RIPOR2: variants seen among roughly 807,000 people sequenced by gnomAD.
RIPOR2 encodes the protein RHO family interacting cell polarization regulator 2, also known as rho family-interacting cell polarization regulator 2.
In RIPOR2, 39 loss-of-function variants were observed where a neutral mutation model predicts 114.5. That is an observed-to-expected ratio of 0.34 (90% CI 0.26 to 0.44). The LOEUF (loss-of-function observed/expected upper bound fraction) is 0.44, where lower values mean the gene tolerates loss of function less well. Ranked by LOEUF, RIPOR2 falls within the 20% of genes least tolerant of loss-of-function variation. RIPOR2 has a pLI of 1.00. For missense variants in RIPOR2, 1,007 were observed against 1,255.1 expected, an observed-to-expected ratio of 0.80 and a Z score of 2.99; for synonymous variants, 445 against 484.4, an observed-to-expected ratio of 0.92 and a Z score of 1.07.
chr6:24,970,471 T>C (rs1773732278), intron 1 of RIPOR2, among the ~76,000 whole-genome samples: 1 of 152,184 alleles, frequency 6.6e-6, no homozygotes, highest in Non-Finnish European at 1.5e-5. Flanking sequence ...TAAGGGACTT[T>C]TCAAATTCAA....
intron 1 of RIPOR2, among the ~76,000 whole-genome samples, chr6:24,999,780 TCTCCTGGC>T (rs1775219390): frequency 6.6e-6 from 1 of 152,102 alleles, no homozygotes; most frequent in Non-Finnish European, 1.5e-5. Context: ...ATGGTCTTGA[TCTCCTGGC>T]CTCCTGATCC....
At chr6:24,860,184 G>A (rs1763929756) in intron 8 of RIPOR2, among the ~76,000 whole-genome samples, 2 of 152,154 alleles carry the variant, frequency 1.3e-5, no homozygotes. Context: ...TTAACACCAA[G>A]ATTTACAAAA....
chr6:25,032,657 T>C (rs1471275948), intron 1 of RIPOR2, among the ~76,000 whole-genome samples: 1 of 152,182 alleles, frequency 6.6e-6, no homozygotes, highest in Non-Finnish European at 1.5e-5. Context: ...ACAGCATGGC[T>C]GGAGAGTCAC....
rs200618344 is a variant in RIPOR2 at position 24,922,559 on chromosome 6, T to TA, written c.61+13278dup. On this transcript the variant is annotated intron_variant, in intron 1 of 21. Transcript: ENST00000643898. ...TTGTACCCATTCTGAACTCTTTTTT[T>TA]AAAAAAAATGTGGTAAGGGGCCAGG... Among the ~76,000 whole-genome samples, 401 of 151,822 alleles carry TA rather than the reference T, an allele frequency of 2.6e-3. 2 individuals are homozygous for TA. The highest frequency in any genetic ancestry group is 0.023 in the South Asian group (112 of 4,796).
intron 8 of RIPOR2, among the ~76,000 whole-genome samples, chr6:24,856,270 A>C (rs2113807415): frequency 6.6e-6 from 1 of 152,316 alleles, no homozygotes; most frequent in South Asian, 2.1e-4. Flanking sequence ...ATTAGAACAC[A>C]ACAACCCACT....
chr6:24,923,787 G>A (rs2114116108), intron 1 of RIPOR2, among the ~76,000 whole-genome samples: 1 of 152,232 alleles, frequency 6.6e-6, no homozygotes, highest in East Asian at 1.9e-4. Context: ...GGCAGAGGTT[G>A]CAGAGAGCCG....
chr6:24,969,483 T>A (rs1432111620), intron 1 of RIPOR2, among the ~76,000 whole-genome samples: 1 of 152,216 alleles, frequency 6.6e-6, no homozygotes, highest in Non-Finnish European at 1.5e-5. Context: ...AGAAGCTCTT[T>A]GACATACTGA....
intron 7 of RIPOR2, among the ~76,000 whole-genome samples, chr6:24,863,550 G>A (rs1252759874): frequency 6.6e-6 from 1 of 152,184 alleles, no homozygotes; most frequent in Non-Finnish European, 1.5e-5. Flanking sequence ...GGGGTCTCGT[G>A]AACTAGGACT....
chr6:24,859,886 A>G (rs1180014419), intron 8 of RIPOR2, among the ~76,000 whole-genome samples: 1 of 152,220 alleles, frequency 6.6e-6, no homozygotes, highest in African/African-American at 2.4e-5. Flanking sequence ...CCAGGGATCA[A>G]GCTGCTAAGA....
Position 24,865,484 on chromosome 6 carries a change from G to A in RIPOR2, c.502-34C>T, listed in dbSNP as rs373091325. The A allele has an allele frequency of 5.8e-6, 9 of 1,564,406 alleles. No homozygotes were observed. The African/African-American group carries it at 9.5e-5, about 17-fold the overall frequency. ...ATCAAAACAGGAAACAGAAATAAAT[G>A]TCAGGCTTGAAAGAAAATACATAGA... On this transcript the variant is annotated intron_variant, in intron 6 of 21. Coordinates refer to ENST00000643898, the MANE Select transcript of RIPOR2 (RefSeq NM_001286445.3).
intron 12 of RIPOR2, among the ~76,000 whole-genome samples, chr6:24,845,292 C>T (rs76161221): frequency 0.022 from 3,276 of 152,182 alleles, 123 homozygotes; most frequent in African/African-American, 0.072. Context: ...CCCGTATTTG[C>T]ACCCCCCACC....
intron 1 of RIPOR2, among the ~76,000 whole-genome samples, chr6:25,030,170 C>T (rs1467165264): frequency 2.0e-5 from 3 of 151,938 alleles, no homozygotes; most frequent in African/African-American, 2.4e-5. Context: ...GGGAAAAGAT[C>T]TCTGTTTTCT....
chr6:24,836,244 T>G (rs1761097024), intron 14 of RIPOR2, among the ~76,000 whole-genome samples: 1 of 152,228 alleles, frequency 6.6e-6, no homozygotes. Context: ...CCTCTATATT[T>G]GTGGTTTCCC....
At chr6:24,838,191 C>T (rs1451983192) in intron 14 of RIPOR2, among the ~76,000 whole-genome samples, 2 of 152,162 alleles carry the variant, frequency 1.3e-5, no homozygotes, top group African/African-American at 4.8e-5. Flanking sequence ...TAGAGACATG[C>T]AGTACCAGTG....
intron 1 of RIPOR2, among the ~76,000 whole-genome samples, chr6:24,897,661 G>C (rs1461286011): frequency 6.6e-6 from 1 of 152,180 alleles, no homozygotes; most frequent in African/African-American, 2.4e-5. Flanking sequence ...TTTCCTGAGA[G>C]TTGGCTCCGA....
chr6:24,884,356 C>T (rs1766619807), intron 1 of RIPOR2, among the ~76,000 whole-genome samples: 1 of 152,090 alleles, frequency 6.6e-6, no homozygotes, highest in East Asian at 1.9e-4. Context: ...TTGCAGTGAG[C>T]CGAGATCGTG....
Position 24,873,699 on chromosome 6 carries a change from CTTTGGGGGGATTGTTGTT to C in RIPOR2, c.271_288del (p.Asn91_Lys96del). 2 of 1,613,704 alleles carry C rather than the reference CTTTGGGGGGATTGTTGTT, an allele frequency of 1.2e-6. No homozygotes were observed. The highest frequency in any genetic ancestry group is 2.2e-5 in the South Asian group (2 of 91,056). ...TCTTCCACCCTTTTAGGCTGAGGCT[CTTTGGGGGGATTGTTGTT>C]TTTGTGGCCTAAATTGTGCATTTTC... On this transcript the variant is annotated inframe_deletion, in exon 3 of 22. Coordinates refer to ENST00000643898, the MANE Select transcript of RIPOR2 (RefSeq NM_001286445.3).
At chr6:24,850,075 G>T in intron 10 of RIPOR2, 125 bp from the exon 11 acceptor site, 1 of 741,730 alleles carries the variant, frequency 1.3e-6, no homozygotes, top group Non-Finnish European at 2.1e-6. Flanking sequence ...GAAATCAGAA[G>T]CGGATTTTCA....
chr6:25,032,294 A>G (rs940192184), intron 1 of RIPOR2, among the ~76,000 whole-genome samples: 48 of 152,040 alleles, frequency 3.2e-4, no homozygotes, highest in African/African-American at 1.0e-3. Flanking sequence ...TCAAAGTGTT[A>G]GCAAGTATCT....
Sources: gnomAD v4.1 joint callset for allele counts (sites outside exome capture counted in the v4.1 genomes callset) on GRCh38, gnomAD v4.1.1 for gene constraint, MANE v1.5 for transcripts, NCBI Gene and HGNC (gene_info 2026-07-23, HGNC 2026-07-21) for gene names.